The following DMXL1 variants were observed in gnomAD, a reference collection of about 807,000 sequenced individuals.
DMXL1 encodes the protein Dmx like 1, also known as dmX-like protein 1.
DMXL1 carries 99 observed loss-of-function variants against 319.2 expected under a neutral mutation model. The ratio of observed to expected loss-of-function variants is 0.31; its 90% CI spans 0.26 to 0.37. The LOEUF (loss-of-function observed/expected upper bound fraction) is 0.37. Among genes scored for constraint, DMXL1 ranks in the 10% least tolerant of loss-of-function variants. The pLI, the probability that DMXL1 is intolerant of heterozygous loss-of-function variation, is 1.00. For missense variants in DMXL1, 3,745 were observed against 3,595.6 expected (o/e 1.04, Z -1.06); for synonymous variants, 1,385 against 1,235.2 (o/e 1.12, Z -2.54).
At position 119,119,646 on chromosome 5, in the gene DMXL1, A is replaced by T. The variant is rs2149932760; in HGVS notation, c.933+642A>T. On this transcript the variant is annotated intron_variant, in intron 8 of 43. Coordinates refer to ENST00000539542, the MANE Select transcript of DMXL1 (RefSeq NM_001290321.3). ...GGCCTTAGACTCCTGAGTAGCTGGA[A>T]TTACAGGTGTGCATCACCACGCCCA... is the stretch of plus-strand genomic sequence containing the variant. 2.0e-5 allele frequency among the ~76,000 whole-genome samples: 3 copies of T among 151,674 alleles called. No individual in the cohort carries two copies. The South Asian group carries it at 6.2e-4, about 32-fold the overall frequency.
Position 119,178,295 on chromosome 5 carries a change from A to G in DMXL1, c.7135+51A>G. ...CTGAAGCTTTATTTATCTGAGTGATATCATTCTCAAACGTAATTACATTTT... is the reference window on the plus strand; with the variant it reads ...CTGAAGCTTTATTTATCTGAGTGATGTCATTCTCAAACGTAATTACATTTT... On this transcript the variant is annotated intron_variant, in intron 28 of 43. Transcript: ENST00000539542. 3 of 1,551,958 alleles carry G rather than the reference A, an allele frequency of 1.9e-6. No individual in the cohort carries two copies. The African/African-American group carries it at 4.1e-5, about 21-fold the overall frequency.
chr5:119,215,435 G>A (rs1783511046), intron 34 of DMXL1, among the ~76,000 whole-genome samples: 1 of 152,132 alleles, frequency 6.6e-6, no homozygotes, highest in Non-Finnish European at 1.5e-5. Context: ...AGCCACTCAA[G>A]TAGCTGGGAT....
chr5:119,119,040 TA>T, intron 8 of DMXL1, 36 bp downstream of exon 8: 2 of 1,488,410 alleles, frequency 1.3e-6, no homozygotes. Context: ...CTACAAGTTT[TA>T]AAACCTTTGG....
intron 1 of DMXL1, among the ~76,000 whole-genome samples, chr5:119,096,021 G>T (rs1755871818): frequency 6.6e-6 from 1 of 152,116 alleles, no homozygotes; most frequent in African/African-American, 2.4e-5. Context: ...GCCCCACTCT[G>T]CCACTAAGAT....
chr5:119,162,882 A>G (rs1772575819), intron 19 of DMXL1, among the ~76,000 whole-genome samples: 1 of 152,190 alleles, frequency 6.6e-6, no homozygotes, highest in Non-Finnish European at 1.5e-5. Flanking sequence ...AGTGTTCCGT[A>G]TAGAAAGCAT....
intron 29 of DMXL1, 147 bp downstream of exon 29, chr5:119,190,033 T>C (rs1220602011): frequency 1.5e-6 from 1 of 660,530 alleles, no homozygotes; most frequent in Non-Finnish European, 2.5e-6. Context: ...TCCAAAAATA[T>C]ATACCCTAGA....
intron 18 of DMXL1, among the ~76,000 whole-genome samples, chr5:119,150,855 CT>C (rs1049841197): frequency 9.9e-5 from 15 of 151,464 alleles, no homozygotes; most frequent in African/African-American, 2.7e-4. Context: ...ACAGTTTTAA[CT>C]TTTTTTCCCC....
At chr5:119,220,665 C>G in intron 36 of DMXL1, 72 bp downstream of exon 36, 1 of 1,536,802 alleles carries the variant, frequency 6.5e-7, no homozygotes, top group East Asian at 2.3e-5. Context: ...CTAAAACTTT[C>G]AAAAGATTCT....
chr5:119,102,028 C>T, intron 3 of DMXL1, 22 bp downstream of exon 3: 3 of 1,450,168 alleles, frequency 2.1e-6, no homozygotes, highest in Non-Finnish European at 2.9e-6. Context: ...ATGATTTCTT[C>T]TTTTAGGAAT....
intron 9 of DMXL1, chr5:119,128,060 G>A: frequency 4.4e-6 from 2 of 450,156 alleles, no homozygotes; most frequent in South Asian, 3.6e-5. Context: ...TTTACTATCA[G>A]TGTAGTCAGT....
intron 31 of DMXL1, 59 bp downstream of exon 31, chr5:119,196,515 G>GTT (rs537016412): frequency 0.024 from 13,412 of 550,682 alleles, no homozygotes; most frequent in South Asian, 0.039. Flanking sequence ...CTACTCTGTT[G>GTT]TTTTTTTTTT....
chr5:119,168,579 C>A (rs535427100), intron 23 of DMXL1, among the ~76,000 whole-genome samples: 4 of 152,296 alleles, frequency 2.6e-5, no homozygotes, highest in African/African-American at 9.6e-5. Flanking sequence ...GCCTTACTTC[C>A]TAAACCTTTG....
intron 34 of DMXL1, among the ~76,000 whole-genome samples, chr5:119,207,379 C>G (rs529045031): frequency 2.8e-4 from 42 of 152,038 alleles, no homozygotes; most frequent in African/African-American, 9.9e-4. Flanking sequence ...TTACTGGTAG[C>G]AATAGCATGT....
rs188522297 is a variant in DMXL1 at position 119,137,543 on chromosome 5, T to C, written c.2376+3154T>C. Among the ~76,000 whole-genome samples, 231 of 152,316 alleles carry C rather than the reference T, an allele frequency of 1.5e-3. 1 individual carries two copies. The highest frequency in any genetic ancestry group is 7.7e-3 in the South Asian group (37 of 4,832). ...GTGCTCACCCAAATCTCATTTCGAA[T>C]TATAATTGCCACATATCAAGGGAGG... is the stretch of plus-strand genomic sequence containing the variant. On this transcript the variant is annotated intron_variant, in intron 13 of 43. Coordinates refer to ENST00000539542, the MANE Select transcript of DMXL1 (RefSeq NM_001290321.3).
At chr5:119,237,183 A>G (rs1561941551) in intron 39 of DMXL1, 139 bp from the exon 40 acceptor site, 2 of 477,232 alleles carry the variant, frequency 4.2e-6, no homozygotes, top group South Asian at 4.2e-5. Flanking sequence ...AAATAGATCC[A>G]TGTATAGGTG....
chr5:119,113,430 A>T (rs1181372292), intron 5 of DMXL1, among the ~76,000 whole-genome samples: 1 of 152,052 alleles, frequency 6.6e-6, no homozygotes, highest in African/African-American at 2.4e-5. Context: ...TTTAGCAGAG[A>T]TGGGGTTTCA....
intron 37 of DMXL1, among the ~76,000 whole-genome samples, chr5:119,221,880 G>T (rs148159436): frequency 2.6e-5 from 4 of 151,408 alleles, no homozygotes; most frequent in African/African-American, 9.7e-5. Context: ...TAGTGTTGGA[G>T]GATCTTTTTT....
intron 17 of DMXL1, 25 bp downstream of exon 17, chr5:119,147,495 C>T (rs751365086): frequency 3.2e-6 from 5 of 1,545,616 alleles, no homozygotes; most frequent in Non-Finnish European, 3.6e-6. Context: ...TGAAAAGAGA[C>T]TAATTTTGTA....
At chr5:119,196,668 G>T (rs1338572294) in intron 31 of DMXL1, among the ~76,000 whole-genome samples, 1 of 152,092 alleles carries the variant, frequency 6.6e-6, no homozygotes, top group African/African-American at 2.4e-5. Context: ...GAAATCAAGG[G>T]CACTGAATGT....
Sources: allele counts gnomAD v4.1 joint callset (sites outside exome capture counted in the v4.1 genomes callset), GRCh38; gene constraint gnomAD v4.1.1; transcripts MANE v1.5; gene names NCBI Gene and HGNC (gene_info 2026-07-23, HGNC 2026-07-21).